Variants in FMO5 observed in about 807,000 individuals in gnomAD.
FMO5 encodes the protein flavin containing dimethylaniline monoxygenase 5.
Under a neutral mutation model 43.6 loss-of-function variants are expected in FMO5, and 51 were observed. The ratio of observed to expected loss-of-function variants is 1.17; its 90% confidence interval spans 0.93 to 1.48. FMO5 has a LOEUF of 1.48. Among genes scored for constraint, FMO5 ranks in the 40% most tolerant of loss-of-function variants. The pLI is 0.00. For synonymous variants in FMO5, 187 were observed against 216.5 expected, an observed-to-expected ratio of 0.86 and a Z score of 1.20; for missense variants, 644 against 643.0, an observed-to-expected ratio of 1.00 and a Z score of -0.02.
At chr1:147,219,372 T>C (rs1662586702) in intron 2 of FMO5, among the ~76,000 whole-genome samples, 1 of 152,164 alleles carries the variant, frequency 6.6e-6, no homozygotes. Flanking sequence ...GTCGACTTAT[T>C]AAGGCAGTAG....
At chr1:147,189,214 C>T (rs1408462652) in intron 8 of FMO5, among the ~76,000 whole-genome samples, 1 of 151,396 alleles carries the variant, frequency 6.6e-6, no homozygotes, top group Admixed American at 6.6e-5. Context: ...GCAGAGGTTG[C>T]AGTGAGCGAA....
intron 2 of FMO5, chr1:147,223,948 AC>A: frequency 2.6e-6 from 1 of 379,848 alleles, no homozygotes; most frequent in South Asian, 2.0e-5. Context: ...CCATCGAGAC[AC>A]CACCCGTCTT....
chr1:147,213,369 A>G lies in FMO5; in HGVS notation c.426T>C (p.Asp142=), dbSNP rs782340804. The G allele has an allele frequency of 2.5e-6, 4 of 1,613,790 alleles. No homozygotes were observed. The highest frequency in any genetic ancestry group is 1.6e-4 in the Middle Eastern group (1 of 6,062). Residue 142 remains aspartate (D), a synonymous_variant, in exon 4 of 9, where the codon GAT becomes GAC. Coordinates refer to ENST00000254090, the MANE Select transcript of FMO5 (RefSeq NM_001461.4). ...SEGKKEMNVF[D]GVMVCTGHHT... is the part of the protein sequence containing the mutation. ...GATGGCCAGTGCAAACCATGACTCCATCAAAGACATTCATCTCCTTTTTCC... is the reference window on the plus strand; with the variant it reads ...GATGGCCAGTGCAAACCATGACTCCGTCAAAGACATTCATCTCCTTTTTCC...
intron 7 of FMO5, among the ~76,000 whole-genome samples, chr1:147,190,505 C>T (rs1656508432): frequency 6.6e-6 from 1 of 152,052 alleles, no homozygotes; most frequent in South Asian, 2.1e-4. Flanking sequence ...TGCCTCCTCC[C>T]TAATGTAGTC....
upstream of FMO5, among the ~76,000 whole-genome samples, chr1:147,227,281 C>T (rs1664043159): frequency 6.6e-6 from 1 of 152,172 alleles, no homozygotes; most frequent in African/African-American, 2.4e-5. Flanking sequence ...AAATGAATTA[C>T]TTGTAAATTG....
In FMO5 at chr1:147,187,061, A is replaced by T; in HGVS notation, c.1441T>A (p.Trp481Arg). 1 of 1,614,102 alleles carries T rather than the reference A, an allele frequency of 6.2e-7. No individual in the cohort carries two copies. Among genetic ancestry groups the T allele is most frequent in the Non-Finnish European group, 8.5e-7 (1 of 1,180,020 alleles). Residue 481 changes from tryptophan (W) to arginine (R), a missense_variant, in exon 9 of 9, where the codon TGG becomes AGG. Physicochemically the swap from Trp to Arg is moderately radical, Grantham distance 101. Coordinates refer to ENST00000254090, the MANE Select transcript of FMO5 (RefSeq NM_001461.4). ...IHYRVQGPGKWDGARKAILTT... is the reference protein window; with the variant it reads ...IHYRVQGPGKRDGARKAILTT... ...AGGATAGCTTTTCGAGCCCCATCCC[A>T]CTTTCCAGGGCCCTGTACACGATAG...
chr1:147,190,955 T>C (rs1257683311), intron 7 of FMO5, among the ~76,000 whole-genome samples: 1 of 152,068 alleles, frequency 6.6e-6, no homozygotes, highest in African/African-American at 2.4e-5. Flanking sequence ...CTCCTTGTGA[T>C]AGTTTGCTGA....
chr1:147,215,672 G>T, intron 3 of FMO5, 82 bp downstream of exon 3: 1 of 1,002,686 alleles, frequency 1.0e-6, no homozygotes, highest in Non-Finnish European at 1.5e-6. Flanking sequence ...ATCTTTAGAA[G>T]TAAACATTGG....
At chr1:147,223,377 G>A (rs149182113) in intron 2 of FMO5, among the ~76,000 whole-genome samples, 6 of 152,278 alleles carry the variant, frequency 3.9e-5, no homozygotes, top group African/African-American at 1.4e-4. Context: ...GGGTGCAAAA[G>A]GATTGTATTT....
chr1:147,204,505 A>G, intron 6 of FMO5: 1 of 1,556,672 alleles, frequency 6.4e-7, no homozygotes, highest in South Asian at 1.1e-5. Flanking sequence ...CAAATTAGGA[A>G]GAATCTCATG....
chr1:147,193,242 G>T (rs1489794069), intron 7 of FMO5, among the ~76,000 whole-genome samples: 1 of 152,094 alleles, frequency 6.6e-6, no homozygotes, highest in African/African-American at 2.4e-5. Context: ...TCTTGGGAGG[G>T]TGTATGTGTT....
At chr1:147,211,955 C>T (rs1406742406) in intron 5 of FMO5, among the ~76,000 whole-genome samples, 2 of 152,162 alleles carry the variant, frequency 1.3e-5, no homozygotes, top group Admixed American at 6.5e-5. Flanking sequence ...AAGCACCATC[C>T]TATGAGTGAA....
intron 6 of FMO5, among the ~76,000 whole-genome samples, chr1:147,208,129 A>G (rs1247977440): frequency 2.0e-5 from 3 of 151,934 alleles, no homozygotes; most frequent in African/African-American, 4.8e-5. Context: ...TATCTTATAG[A>G]AAGTCCTCAG....
Position 147,187,414 on chromosome 1 carries a change from C to G in FMO5, c.1257-169G>C, listed in dbSNP as rs72708556. On this transcript the variant is annotated intron_variant, in intron 8 of 8. Transcript: ENST00000254090. ...CTGTCCTTAAGGATCTTAGGACTTA[C>G]AAAAGGAGATAAGACAGATAAACAT... 0.037 allele frequency among the ~76,000 whole-genome samples: 5,615 copies of G among 152,128 alleles called. 147 individuals carry two copies. The highest frequency in any genetic ancestry group is 0.095 in the South Asian group (460 of 4,820).
chr1:147,194,702 G>T (rs1657625916), intron 7 of FMO5, among the ~76,000 whole-genome samples: 1 of 151,998 alleles, frequency 6.6e-6, no homozygotes, highest in South Asian at 2.1e-4. Context: ...GAGCAGGCCT[G>T]GTGGTCACAA....
rs587655004 is a variant in FMO5 at position 147,186,374 on chromosome 1, G to A, written c.*526C>T. 1 of 918,836 alleles carries A rather than the reference G, an allele frequency of 1.1e-6. No homozygotes were observed. The highest frequency in any genetic ancestry group is 6.2e-5 in the Admixed American group (1 of 16,174). The allele number at this position is 918,836 out of a possible 1,614,324, so 56.9% of individuals were successfully genotyped here. A position where few individuals can be genotyped will look rare whatever the true frequency, so the allele number is the denominator to read the frequency against. On this transcript the variant is annotated 3_prime_UTR_variant, in exon 9 of 9. Coordinates refer to ENST00000254090, the MANE Select transcript of FMO5 (RefSeq NM_001461.4). Reference sequence around the variant, plus strand: ...TAGCAAGTGAAACAAAATGTCTTAAGCATCTATATGTCTTATCTTAGATAC... The same window carrying A: ...TAGCAAGTGAAACAAAATGTCTTAAACATCTATATGTCTTATCTTAGATAC...
At chr1:147,213,544 G>T in intron 3 of FMO5, 74 bp from the exon 4 acceptor site, 1 of 1,293,218 alleles carries the variant, frequency 7.7e-7, no homozygotes, top group Non-Finnish European at 1.0e-6. Context: ...ACAAAGGGCT[G>T]ATATCACAGA....
intron 7 of FMO5, among the ~76,000 whole-genome samples, chr1:147,198,850 CAAAAAAAAAAAAAA>C (rs151035141): frequency 1.2e-4 from 6 of 51,764 alleles, no homozygotes; most frequent in Non-Finnish European, 1.5e-4. Flanking sequence ...GACTGCATCT[CAAAAAAAAAAAAAA>C]AAAAAAAAAA....
rs1655774158 is a variant in FMO5, at chr1:147,187,217, G to A, written c.1285C>T (p.Gln429Ter). ...RYVESQRHTI[Q>*]GDYIDTMEEL... ...TCCATGGTATCTATGTAGTCTCCCT[G>A]AATGGTATGGCGTTGGCTCTCCACA... Residue 429 changes from glutamine (Q) to a stop codon, truncating the protein, a stop_gained, in exon 9 of 9, where the codon CAG (glutamine) becomes TAG (stop). Coordinates refer to ENST00000254090, the MANE Select transcript of FMO5 (RefSeq NM_001461.4). LOFTEE classifies it low-confidence loss of function (END_TRUNC). The A allele has an allele frequency of 4.3e-6, 7 of 1,612,844 alleles. No individual in the cohort carries two copies. In the Admixed American group the frequency reaches 6.7e-5, roughly 15 times the overall value.
Sources: gnomAD v4.1 joint callset for allele counts (sites outside exome capture counted in the v4.1 genomes callset) on GRCh38, gnomAD v4.1.1 for gene constraint, MANE v1.5 for transcripts, NCBI Gene and HGNC (gene_info 2026-07-23, HGNC 2026-07-21) for gene names.